Variants in ADGRV1 observed in about 807,000 individuals in gnomAD.
ADGRV1 encodes adhesion G protein-coupled receptor V1, also known as G-protein coupled receptor 98.
In ADGRV1, 359 loss-of-function variants were observed where a neutral mutation model predicts 596.2. That is an observed-to-expected ratio of 0.60 (90% CI 0.55 to 0.66). The LOEUF (loss-of-function observed/expected upper bound fraction) is 0.66, where lower values mean the gene tolerates loss of function less well. ADGRV1 is among the 30% of genes least tolerant of loss of function. ADGRV1 has a pLI of 0.00. For synonymous variants in ADGRV1, 2,681 were observed against 2,679.2 expected, an observed-to-expected ratio of 1.00 and a Z score of -0.02; for missense variants, 7,274 against 7,575.6, an observed-to-expected ratio of 0.96 and a Z score of 1.48.
At chr5:90,898,672 G>A (rs1243050071) in intron 83 of ADGRV1, among the ~76,000 whole-genome samples, 1 of 152,062 alleles carries the variant, frequency 6.6e-6, no homozygotes, top group Non-Finnish European at 1.5e-5. Flanking sequence ...GGCTGGGTGC[G>A]GGGACTCACA....
chr5:90,846,290 C>T (rs9762982), intron 78 of ADGRV1: 1 of 138,796 alleles, frequency 7.2e-6, no homozygotes, highest in African/African-American at 3.2e-5. Context: ...AAGTTACATG[C>T]AAGTTACAAA....
At chr5:90,896,911 C>CTATGG (rs1698131016) in intron 83 of ADGRV1, among the ~76,000 whole-genome samples, 1 of 152,156 alleles carries the variant, frequency 6.6e-6, no homozygotes, top group Non-Finnish European at 1.5e-5. Context: ...GATGACATTC[C>CTATGG]CCTTATGGCA....
At chr5:91,051,671 C>T (rs1021367018) in intron 85 of ADGRV1, among the ~76,000 whole-genome samples, 1 of 151,402 alleles carries the variant, frequency 6.6e-6, no homozygotes, top group Non-Finnish European at 1.5e-5. Context: ...CTCAGCCTCC[C>T]GAGTAGCTGG....
Position 90,848,769 on chromosome 5 carries a change from A to G in ADGRV1, c.17152A>G (p.Asn5718Asp), listed in dbSNP as rs2150388670. Residue 5718 changes from asparagine to aspartate, a missense_variant, in exon 79 of 90, where the codon AAT (asparagine) becomes GAT (aspartate). Physicochemically the swap from Asn to Asp is conservative, Grantham distance 23 (BLOSUM62 1). Around this residue, in one of 5 missense-constraint regions of ADGRV1, gnomAD observed 1,874 missense variants for 1,970.2 expected, o/e 0.95. Coordinates refer to ENST00000405460, the MANE Select transcript of ADGRV1 (RefSeq NM_032119.4). ...CAGTCACTTTGCTGAAGTGACTGAG[A>G]ATTTTGCCTTTTCTCTGCTGACTAA... ...GFSHFAEVTE[N>D]FAFSLLTNVT... The G allele has an allele frequency of 6.3e-7, 1 of 1,587,612 alleles. No individual in the cohort carries two copies. Among genetic ancestry groups the G allele is most frequent in the African/African-American group, 1.4e-5 (1 of 73,502 alleles).
At chr5:91,135,070 A>T (rs1007139388) in intron 87 of ADGRV1, among the ~76,000 whole-genome samples, 1 of 151,942 alleles carries the variant, frequency 6.6e-6, no homozygotes, top group Non-Finnish European at 1.5e-5. Context: ...AATTCCAGCT[A>T]CTTGGGAGGC....
chr5:90,754,904 G>A, intron 54 of ADGRV1, 79 bp from the exon 55 acceptor site: 1 of 939,818 alleles, frequency 1.1e-6, no homozygotes, highest in East Asian at 2.4e-5. Context: ...ATAGAGTAGA[G>A]TGTTCCACTC....
rs528876393 is a variant in ADGRV1 at position 90,931,749 on chromosome 5, C to T, written c.17857-33666C>T. 1.2e-4 allele frequency among the ~76,000 whole-genome samples: 19 copies of T among 152,224 alleles called. No individual in the cohort carries two copies. In the South Asian group the frequency reaches 2.7e-3, roughly 22 times the overall value. On this transcript the variant is annotated intron_variant, in intron 83 of 89. Coordinates refer to ENST00000405460, the MANE Select transcript of ADGRV1 (RefSeq NM_032119.4). The stretch of plus-strand genomic sequence containing the variant: ...ATTCCTACTTGTTAGTCTATAATTA[C>T]GCATGTTTCCTAATTGATGAAAAGA...
At chr5:90,821,307 G>T (rs1185092840) in intron 75 of ADGRV1, among the ~76,000 whole-genome samples, 1 of 150,518 alleles carries the variant, frequency 6.6e-6, no homozygotes, top group Non-Finnish European at 1.5e-5. Flanking sequence ...TATTCTAGTT[G>T]TACATTCTTC....
chr5:91,025,494 T>C (rs185235488), intron 85 of ADGRV1, among the ~76,000 whole-genome samples: 1 of 152,260 alleles, frequency 6.6e-6, no homozygotes. Context: ...ATAACAGATA[T>C]AATTACTTTT....
At chr5:90,729,041 A>G (rs1752179703) in intron 49 of ADGRV1, 108 bp downstream of exon 49, 3 of 762,026 alleles carry the variant, frequency 3.9e-6, no homozygotes, top group Admixed American at 6.2e-5. Flanking sequence ...TTACTAATCC[A>G]TAGAATATTT....
At chr5:90,726,305 C>T (rs1253819796) in intron 48 of ADGRV1, among the ~76,000 whole-genome samples, 1 of 152,182 alleles carries the variant, frequency 6.6e-6, no homozygotes, top group African/African-American at 2.4e-5. Flanking sequence ...CTATTCCCTC[C>T]ATCTCTGACA....
At chr5:90,816,338 T>C (rs1217354014) in intron 75 of ADGRV1, among the ~76,000 whole-genome samples, 7 of 151,588 alleles carry the variant, frequency 4.6e-5, no homozygotes, top group Non-Finnish European at 8.8e-5. Context: ...TTTTTGGACA[T>C]AATAGAAAAA....
At chr5:90,856,680 A>C (rs1262022142) in intron 82 of ADGRV1, among the ~76,000 whole-genome samples, 1 of 152,152 alleles carries the variant, frequency 6.6e-6, no homozygotes, top group Non-Finnish European at 1.5e-5. Flanking sequence ...TAATGGTTAA[A>C]AAATGCAAAC....
chr5:90,975,622 A>G (rs1032195130), intron 84 of ADGRV1, among the ~76,000 whole-genome samples: 1 of 152,136 alleles, frequency 6.6e-6, no homozygotes, highest in Non-Finnish European at 1.5e-5. Flanking sequence ...CAAACACCGC[A>G]TGTTCTCACT....
intron 21 of ADGRV1, among the ~76,000 whole-genome samples, chr5:90,659,813 A>T (rs945268568): frequency 4.6e-5 from 7 of 152,104 alleles, no homozygotes; most frequent in Non-Finnish European, 7.4e-5. Flanking sequence ...CGGGCGGATC[A>T]TGAGGTCAGA....
chr5:90,658,405 GC>G, intron 21 of ADGRV1, 127 bp downstream of exon 21: 1 of 714,332 alleles, frequency 1.4e-6, no homozygotes, highest in Non-Finnish European at 2.1e-6. Context: ...GTATGCTAGG[GC>G]CAGTGATTGC....
intron 1 of ADGRV1, among the ~76,000 whole-genome samples, chr5:90,595,976 G>A (rs1391302425): frequency 6.7e-6 from 1 of 148,592 alleles, no homozygotes; most frequent in East Asian, 2.1e-4. Context: ...GGGCGGAGAG[G>A]CTCCTCACTT....
intron 7 of ADGRV1, chr5:90,628,050 T>A (rs1343321244): frequency 4.2e-6 from 1 of 239,538 alleles, no homozygotes; most frequent in Non-Finnish European, 7.9e-6. Flanking sequence ...CATAGTATAG[T>A]AGTTCCCTAG....
intron 70 of ADGRV1, 113 bp downstream of exon 70, chr5:90,791,459 A>C (rs1196219500): frequency 1.3e-6 from 1 of 747,644 alleles, no homozygotes; most frequent in Non-Finnish European, 2.1e-6. Context: ...ATGGAACCAC[A>C]AAAAAATGCC....
Sources: allele counts gnomAD v4.1 joint callset (sites outside exome capture counted in the v4.1 genomes callset), GRCh38; gene constraint gnomAD v4.1.1; regional missense constraint gnomAD v4.1.1; transcripts MANE v1.5; gene names NCBI Gene and HGNC (gene_info 2026-07-23, HGNC 2026-07-21).